Variants in SRP19 observed in about 807,000 individuals in gnomAD.
The protein encoded by SRP19 is signal recognition particle 19, also known as signal recognition particle 19 kDa protein.
Under a neutral mutation model 22.4 loss-of-function variants are expected in SRP19, and 11 were observed. The ratio of observed to expected loss-of-function variants is 0.49; its 90% CI spans 0.31 to 0.81. The LOEUF (loss-of-function observed/expected upper bound fraction) is 0.81. Ranked by LOEUF, SRP19 falls within the 40% of genes least tolerant of loss-of-function variation. The pLI, the probability that SRP19 is intolerant of heterozygous loss-of-function variation, is 0.05. For synonymous variants in SRP19, 61 were observed against 57.6 expected (o/e 1.06, Z -0.27); for missense variants, 168 against 175.9 (o/e 0.96, Z 0.25).
chr5:112,864,451 G>T lies in SRP19; in HGVS notation c.118-6G>T, dbSNP rs771885512. 1.2e-6 allele frequency: 2 copies of T among 1,612,454 alleles called. No homozygotes were observed. Among genetic ancestry groups the T allele is most frequent in the Non-Finnish European group, 1.7e-6 (2 of 1,179,360 alleles). On this transcript the variant is annotated splice_polypyrimidine_tract_variant and splice_region_variant and intron_variant, in intron 2 of 4. Coordinates refer to ENST00000505459, the MANE Select transcript of SRP19 (RefSeq NM_003135.3). ...ATATTTAGTGTTTATGTTTTTAACT[G>T]TTCAGGCTGTTGAAAATCCTACAGC... is the stretch of plus-strand genomic sequence containing the variant.
At chr5:112,861,783 C>T (rs191916988) in intron 1 of SRP19, among the ~76,000 whole-genome samples, 112 of 152,236 alleles carry the variant, frequency 7.4e-4, no homozygotes, top group Non-Finnish European at 9.3e-4. Context: ...GTTTTTAATA[C>T]CTCGGACACT....
downstream of SRP19, among the ~76,000 whole-genome samples, chr5:112,874,377 T>C (rs138356966): frequency 6.2e-4 from 94 of 152,296 alleles, no homozygotes; most frequent in East Asian, 0.017. Flanking sequence ...ACTAGTATCA[T>C]TACTAGTCTC....
At chr5:112,894,290 T>A (rs1768607908), downstream of SRP19, 1 of 152,214 alleles carries the variant, frequency 6.6e-6, no homozygotes, top group Non-Finnish European at 1.5e-5. Flanking sequence ...CAGCTAATTT[T>A]TTGTATTTTA....
At chr5:112,873,271 C>CTTTTTTTTTTTTTTTTT (rs35379154), downstream of SRP19, among the ~76,000 whole-genome samples, 3 of 50,756 alleles carry the variant, frequency 5.9e-5, no homozygotes, top group Non-Finnish European at 1.0e-4. Context: ...CTCAGGTTTT[C>CTTTTTTTTTTTTTTTTT]TTTTTTTTTT....
rs1487611475 is a variant in SRP19, at chr5:112,861,309, C to G, written c.-68C>G. 3.8e-6 allele frequency: 6 copies of G among 1,586,882 alleles called. No homozygotes were observed. The highest frequency in any genetic ancestry group is 2.7e-5 in the African/African-American group (2 of 74,182). On this transcript the variant is annotated 5_prime_UTR_variant, in exon 1 of 5. Coordinates refer to ENST00000505459, the MANE Select transcript of SRP19 (RefSeq NM_003135.3). ...AGCGGGCTGTCTCGGAAACTCAGAG[C>G]CGGGTTCCTCCCGGGTTTCTGCCGG...
intron 2 of SRP19, among the ~76,000 whole-genome samples, chr5:112,864,046 A>G (rs1183711762): frequency 6.6e-6 from 1 of 152,210 alleles, no homozygotes; most frequent in African/African-American, 2.4e-5. Flanking sequence ...TGTAGAACGC[A>G]TCTGGGAATG....
At chr5:112,862,641 G>A in intron 2 of SRP19, 58 bp downstream of exon 2, 1 of 1,497,888 alleles carries the variant, frequency 6.7e-7, no homozygotes, top group Non-Finnish European at 9.2e-7. Context: ...CATCCTGGTC[G>A]GGCCACGTAA....
At chr5:112,897,410 GACA>G (rs1394771927), downstream of SRP19, 2 of 149,658 alleles carry the variant, frequency 1.3e-5, no homozygotes, top group African/African-American at 2.5e-5. Flanking sequence ...TAAACAGTAG[GACA>G]ACAAGGACTT....
At chr5:112,872,322 C>CTTTTTTTTTTTTT (rs759571945), downstream of SRP19, among the ~76,000 whole-genome samples, 1 of 92,690 alleles carries the variant, frequency 1.1e-5, no homozygotes, top group Non-Finnish European at 2.0e-5. Context: ...CCAAATGATT[C>CTTTTTTTTTTTTT]TTTTTTTTTT....
chr5:112,881,600 G>C (rs1768076954), intron 4 of SRP19, among the ~76,000 whole-genome samples: 1 of 152,022 alleles, frequency 6.6e-6, no homozygotes, highest in Admixed American at 6.6e-5. Flanking sequence ...AAATGGATCT[G>C]GTAGGTGTTG....
exon 5 of SRP19, chr5:112,892,714 G>A: frequency 6.2e-7 from 1 of 1,614,060 alleles, no homozygotes; most frequent in South Asian, 1.1e-5. Flanking sequence ...AGATCAGACT[G>A]GCTCCTCCTT....
rs1767655883 is a variant in SRP19 at position 112,867,743 on chromosome 5, A to C, written c.*206A>C. On this transcript the variant is annotated 3_prime_UTR_variant, in exon 5 of 5. Transcript: ENST00000505459. The stretch of plus-strand genomic sequence containing the variant: ...TCTCGCGTATATGCCGTATAAAAGA[A>C]TTTTTTTGTCTTTCAATGCAGTTTT... The C allele has an allele frequency of 7.9e-7, 1 of 1,269,222 alleles. No individual in the cohort carries two copies. The highest frequency in any genetic ancestry group is 3.7e-5 in the Admixed American group (1 of 27,078). The allele number at this position is 1,269,222 out of a possible 1,614,324, so 78.6% of individuals were successfully genotyped here. A position where few individuals can be genotyped will look rare whatever the true frequency, so the allele number is the denominator to read the frequency against.
rs867980573 is a variant in SRP19 at position 112,884,280 on chromosome 5, C to G, written c.302-7323C>G. Among the ~76,000 whole-genome samples the G allele has an allele frequency of 2.6e-5, 4 of 152,336 alleles. No homozygotes were observed. In the South Asian group the frequency reaches 8.3e-4, roughly 32 times the overall value. ...GCAACTTCTTCCACCTCATCTCCTC[C>G]TGCACCCCTCTAGATCACTTCTTTT... On this transcript the variant is annotated intron_variant, in intron 4 of 4. Transcript: ENST00000391338.
chr5:112,879,946 G>C (rs911663799), intron 4 of SRP19, among the ~76,000 whole-genome samples: 12 of 151,298 alleles, frequency 7.9e-5, no homozygotes, highest in African/African-American at 2.9e-4. Flanking sequence ...AATTTTAAAA[G>C]CCCATCTCTA....
chr5:112,881,174 G>A (rs2150033702), intron 4 of SRP19, among the ~76,000 whole-genome samples: 1 of 150,358 alleles, frequency 6.7e-6, no homozygotes, highest in East Asian at 1.9e-4. Flanking sequence ...AAAGTGGGAG[G>A]AGGTTAAGGC....
At chr5:112,887,527 T>A (rs1270221230) in intron 4 of SRP19, among the ~76,000 whole-genome samples, 1 of 152,198 alleles carries the variant, frequency 6.6e-6, no homozygotes, top group Non-Finnish European at 1.5e-5. Flanking sequence ...AATATAGTAC[T>A]TATCTGCATG....
intron 4 of SRP19, chr5:112,877,336 T>G (rs1034793806): frequency 6.6e-6 from 1 of 152,224 alleles, no homozygotes; most frequent in Non-Finnish European, 1.5e-5. Flanking sequence ...TGGCTGGATA[T>G]TTAATCTTGT....
chr5:112,890,489 C>T (rs949303914), intron 4 of SRP19, among the ~76,000 whole-genome samples: 2 of 150,086 alleles, frequency 1.3e-5, no homozygotes, highest in African/African-American at 5.0e-5. Flanking sequence ...CCGCCTCAGC[C>T]CCCCAGGTAG....
chr5:112,879,735 C>G (rs1292454339), intron 4 of SRP19, among the ~76,000 whole-genome samples: 2 of 152,158 alleles, frequency 1.3e-5, no homozygotes, highest in South Asian at 4.1e-4. Flanking sequence ...CTTGGCCTCC[C>G]AAAGTGCTGG....
Sources: allele counts gnomAD v4.1 joint callset (sites outside exome capture counted in the v4.1 genomes callset), GRCh38; gene constraint gnomAD v4.1.1; transcripts MANE v1.5; gene names NCBI Gene and HGNC (gene_info 2026-07-23, HGNC 2026-07-21).